Variants in DDR2 observed in about 807,000 individuals in gnomAD.
DDR2 encodes discoidin domain-containing receptor 2.
DDR2 carries 27 observed loss-of-function variants against 94.9 expected under a neutral mutation model. The ratio of observed to expected loss-of-function variants is 0.28; its 90% CI spans 0.21 to 0.39. The LOEUF is 0.39. Ranked by LOEUF, DDR2 falls within the 10% of genes least tolerant of loss-of-function variation. The pLI, the probability that DDR2 is intolerant of heterozygous loss-of-function variation, is 1.00. For missense variants in DDR2, 783 were observed against 1,076.0 expected (o/e 0.73, Z 3.81); for synonymous variants, 382 against 377.2 (o/e 1.01, Z -0.15).
chr1:162,746,616 A>C (rs1662881337), intron 3 of DDR2, among the ~76,000 whole-genome samples: 1 of 152,130 alleles, frequency 6.6e-6, no homozygotes, highest in South Asian at 2.1e-4. Flanking sequence ...CTTTGAAGAG[A>C]GTGGTGGTTC....
chr1:162,778,769 C>G (rs781577176), intron 17 of DDR2, 40 bp downstream of exon 17: 1 of 1,613,050 alleles, frequency 6.2e-7, no homozygotes, highest in Non-Finnish European at 8.5e-7. Context: ...GACCTGTGTA[C>G]CTTGAAGGAT....
At chr1:162,723,783 C>G (rs1048308565) in intron 3 of DDR2, among the ~76,000 whole-genome samples, 4 of 152,174 alleles carry the variant, frequency 2.6e-5, no homozygotes, top group African/African-American at 9.7e-5. Context: ...GCTGGAACTT[C>G]CCATTTTCAT....
chr1:162,765,660 C>T (rs542876992), intron 9 of DDR2, among the ~76,000 whole-genome samples: 62 of 151,614 alleles, frequency 4.1e-4, no homozygotes, highest in Non-Finnish European at 6.5e-4. Flanking sequence ...CCCATTTACC[C>T]GCTATATTCT....
intron 2 of DDR2, among the ~76,000 whole-genome samples, chr1:162,704,431 T>C (rs772464188): frequency 4.6e-5 from 7 of 152,162 alleles, no homozygotes; most frequent in African/African-American, 1.4e-4. Context: ...ATTTGACACA[T>C]ACCAACATCA....
intron 2 of DDR2, among the ~76,000 whole-genome samples, chr1:162,691,921 C>T (rs1471297222): frequency 6.6e-5 from 10 of 152,282 alleles, no homozygotes; most frequent in Non-Finnish European, 5.9e-5. Flanking sequence ...TTCAATTCTG[C>T]GGTGGGCATA....
At chr1:162,687,699 T>G (rs946749704) in intron 2 of DDR2, among the ~76,000 whole-genome samples, 8 of 152,146 alleles carry the variant, frequency 5.3e-5, no homozygotes, top group Admixed American at 2.0e-4. Context: ...AGGTGTCTGA[T>G]GTACAGAACC....
At chr1:162,695,141 C>T (rs1336926318) in intron 2 of DDR2, among the ~76,000 whole-genome samples, 1 of 152,174 alleles carries the variant, frequency 6.6e-6, no homozygotes, top group Non-Finnish European at 1.5e-5. Flanking sequence ...GGTGGACATT[C>T]TTTCCAATTT....
intron 12 of DDR2, 117 bp from the exon 13 acceptor site, chr1:162,771,907 A>G (rs913280584): frequency 6.6e-6 from 7 of 1,064,822 alleles, no homozygotes; most frequent in Non-Finnish European, 8.4e-6. Context: ...TAAGAATGTC[A>G]TGAAGCAGGT....
intron 14 of DDR2, among the ~76,000 whole-genome samples, 168 bp downstream of exon 14, chr1:162,773,764 A>G (rs751116307): frequency 6.6e-6 from 1 of 152,156 alleles, no homozygotes; most frequent in Non-Finnish European, 1.5e-5. Flanking sequence ...GGCAGTCCTC[A>G]TCTTTTTCTC....
intron 17 of DDR2, among the ~76,000 whole-genome samples, chr1:162,779,344 G>A (rs1410589166): frequency 6.6e-6 from 1 of 152,044 alleles, no homozygotes; most frequent in Non-Finnish European, 1.5e-5. Flanking sequence ...AAATTCCTGT[G>A]AGATCTGGAA....
chr1:162,772,917 T>C (rs1303373644), intron 13 of DDR2, among the ~76,000 whole-genome samples: 1 of 152,238 alleles, frequency 6.6e-6, no homozygotes, highest in Non-Finnish European at 1.5e-5. Flanking sequence ...GTTTTCAGTG[T>C]GGATCTCATG....
chr1:162,676,828 C>T (rs571897115), intron 2 of DDR2, among the ~76,000 whole-genome samples: 1 of 152,294 alleles, frequency 6.6e-6, no homozygotes, highest in Admixed American at 6.5e-5. Flanking sequence ...AGTTGCACAG[C>T]TAGAAAGTAG....
chr1:162,692,997 T>C (rs1018875931), intron 2 of DDR2, among the ~76,000 whole-genome samples: 1 of 152,202 alleles, frequency 6.6e-6, no homozygotes, highest in Non-Finnish European at 1.5e-5. Context: ...TGAAAAAGCA[T>C]GACATACTGC....
chr1:162,746,862 C>A (rs1384539354), intron 3 of DDR2, among the ~76,000 whole-genome samples: 1 of 152,044 alleles, frequency 6.6e-6, no homozygotes, highest in Non-Finnish European at 1.5e-5. Context: ...ACTGGTGATA[C>A]CCAGGCAAAC....
At position 162,748,144 on chromosome 1, in the gene DDR2, G is replaced by C. The variant is rs189228516; in HGVS notation, c.83-4951G>C. 2.4e-3 allele frequency among the ~76,000 whole-genome samples: 366 copies of C among 152,266 alleles called. 3 individuals carry two copies. The highest frequency in any genetic ancestry group is 8.4e-3 in the African/African-American group (349 of 41,546). The stretch of plus-strand genomic sequence containing the variant: ...CATAATGACAGGATCAAATTCACAT[G>C]TAACAATATTAACCTTAAATGTAAA... On this transcript the variant is annotated intron_variant, in intron 3 of 17. Transcript: ENST00000367921.
At position 162,641,347 on chromosome 1, in the gene DDR2, G is replaced by A. The variant is rs1043345383; in HGVS notation, c.-192+8716G>A. Among the ~76,000 whole-genome samples the A allele has an allele frequency of 4.6e-5, 7 of 152,094 alleles. No individual in the cohort carries two copies. The East Asian group carries it at 1.3e-3, about 29-fold the overall frequency. On this transcript the variant is annotated intron_variant, in intron 1 of 17. Coordinates refer to ENST00000367921, the MANE Select transcript of DDR2 (RefSeq NM_006182.4). Reference sequence around the variant, plus strand: ...TGATCTTCACCCTAGTTGTCACCCTGTCCCCATACTCTCTGAATATGCTCC... The same window carrying A: ...TGATCTTCACCCTAGTTGTCACCCTATCCCCATACTCTCTGAATATGCTCC...
intron 3 of DDR2, among the ~76,000 whole-genome samples, chr1:162,740,413 C>T (rs1162935820): frequency 6.6e-6 from 1 of 152,074 alleles, no homozygotes; most frequent in African/African-American, 2.4e-5. Flanking sequence ...CTTGCTGTAC[C>T]TCAAACCACC....
In DDR2 at chr1:162,704,281, A is replaced by G. The variant is rs1195201516; in HGVS notation, c.-27-14756A>G. On this transcript the variant is annotated intron_variant, in intron 2 of 17. Transcript: ENST00000367921. ...GCCTGTTCCATTCCCCAATCACCAGAAAATGCCTTGGAGCAATGGAGTCTA... is the reference window on the plus strand; with the variant it reads ...GCCTGTTCCATTCCCCAATCACCAGGAAATGCCTTGGAGCAATGGAGTCTA... Among the ~76,000 whole-genome samples the G allele has an allele frequency of 8.9e-4, 136 of 152,298 alleles. 1 individual carries two copies. Among genetic ancestry groups the G allele is most frequent in the African/African-American group, 3.2e-3 (131 of 41,542 alleles).
At chr1:162,730,290 C>T (rs1175758423) in intron 3 of DDR2, among the ~76,000 whole-genome samples, 1 of 152,074 alleles carries the variant, frequency 6.6e-6, no homozygotes, top group African/African-American at 2.4e-5. Flanking sequence ...AGCCCATCTC[C>T]TTGCAGAGGT....
Sources: allele counts gnomAD v4.1 joint callset (sites outside exome capture counted in the v4.1 genomes callset), GRCh38; gene constraint gnomAD v4.1.1; transcripts MANE v1.5; gene names NCBI Gene and HGNC (gene_info 2026-07-23, HGNC 2026-07-21).